The following SLC2A7 variants were observed in gnomAD, a reference collection of about 807,000 sequenced individuals.
SLC2A7 encodes solute carrier family 2, facilitated glucose transporter member 7.
Under a neutral mutation model 50.5 loss-of-function variants are expected in SLC2A7, and 50 were observed. The ratio of observed to expected loss-of-function variants is 0.99; its 90% CI spans 0.79 to 1.25. The LOEUF (loss-of-function observed/expected upper bound fraction) is 1.25. Among genes scored for constraint, SLC2A7 ranks in the 50% most tolerant of loss-of-function variants. The pLI is 0.00. For missense variants in SLC2A7, 683 were observed against 679.1 expected (o/e 1.01, Z -0.06); for synonymous variants, 308 against 300.4 (o/e 1.03, Z -0.26).
At chr1:9,002,291 T>C (rs996019750), downstream of SLC2A7, among the ~76,000 whole-genome samples, 2 of 151,888 alleles carry the variant, frequency 1.3e-5, no homozygotes, top group Admixed American at 1.3e-4. Context: ...CTCTTTGCAA[T>C]TGAGGTAAGA....
At position 9,007,340 on chromosome 1, in the gene SLC2A7, C is replaced by T. The variant is rs376126148; in HGVS notation, c.1162G>A (p.Ala388Thr). 8.5e-5 allele frequency: 137 copies of T among 1,614,088 alleles called. No homozygotes were observed. The highest frequency in any genetic ancestry group is 1.1e-4 in the Non-Finnish European group (134 of 1,180,040). ...LSYLGIICVF[A>T]YIAGHSIGPS... ...CCAATGGAATGTCCCGCGATGTAGG[C>T]AAAGACACAGATGATGCCGAGGTAG... The change falls in exon 10 of 12, where the codon GCC (alanine) becomes ACC (threonine). Residue 388 changes from alanine to threonine, a missense_variant. Coordinates refer to ENST00000400906, the MANE Select transcript of SLC2A7 (RefSeq NM_207420.3).
At chr1:9,016,960 T>C (rs1234602556) in intron 5 of SLC2A7, among the ~76,000 whole-genome samples, 2 of 151,604 alleles carry the variant, frequency 1.3e-5, no homozygotes, top group Non-Finnish European at 2.9e-5. Context: ...TCAGTCCCAC[T>C]CCCCCCGAGG....
intron 8 of SLC2A7, among the ~76,000 whole-genome samples, chr1:9,012,077 T>C (rs1640758388): frequency 6.6e-6 from 1 of 152,082 alleles, no homozygotes; most frequent in Non-Finnish European, 1.5e-5. Flanking sequence ...ACCATTTCCA[T>C]TCTACTCCAT....
At chr1:9,021,590 G>A (rs1386228282) in intron 3 of SLC2A7, among the ~76,000 whole-genome samples, 2 of 152,292 alleles carry the variant, frequency 1.3e-5, no homozygotes, top group South Asian at 2.1e-4. Context: ...TGGCCAGGGA[G>A]TCCACAGACA....
chr1:8,995,002 C>G, the SLC2A7 span, among the ~76,000 whole-genome samples: 1 of 151,524 alleles, frequency 6.6e-6, no homozygotes, highest in Non-Finnish European at 1.5e-5. Flanking sequence ...AACTCCTGAC[C>G]TCAGGTGATT....
Position 9,024,941 on chromosome 1 carries a change from C to T in SLC2A7, c.150+35G>A, listed in dbSNP as rs376422668. On this transcript the variant is annotated intron_variant, in intron 2 of 11. Transcript: ENST00000400906. ...TTCCACCCACGACCCCGGTCAGCTG[C>T]TGCCCGGCCCACCTTGTGCCCACCT... 5.0e-6 allele frequency: 8 copies of T among 1,585,190 alleles called. No homozygotes were observed. The African/African-American group carries it at 1.1e-4, about 23-fold the overall frequency.
chr1:9,018,199 G>C, intron 5 of SLC2A7, 24 bp downstream of exon 5: 1 of 1,613,896 alleles, frequency 6.2e-7, no homozygotes, highest in Non-Finnish European at 8.5e-7. Context: ...TGGACCTAGC[G>C]TGACCTCTGC....
At chr1:9,024,874 CA>C (rs1298190931) in intron 2 of SLC2A7, 101 bp downstream of exon 2, 4 of 1,343,922 alleles carry the variant, frequency 3.0e-6, no homozygotes, top group East Asian at 4.7e-5. Flanking sequence ...GTGCCTCCTA[CA>C]GGCAAGATGG....
Position 9,026,399 on chromosome 1 carries a change from T to A in SLC2A7, c.-54A>T. On this transcript the variant is annotated 5_prime_UTR_variant, in exon 1 of 12. Coordinates refer to ENST00000400906, the MANE Select transcript of SLC2A7 (RefSeq NM_207420.3). ...TCTACCTCCCAAGTGACACCTGCTC[T>A]GCGCCAGCCACCTAAAGACCGGCTG... 6.6e-7 allele frequency: 1 copy of A among 1,525,386 alleles called. No individual in the cohort carries two copies. Among genetic ancestry groups the A allele is most frequent in the Non-Finnish European group, 8.9e-7 (1 of 1,126,552 alleles). The allele number at this position is 1,525,386 out of a possible 1,614,324, so 94.5% of individuals were successfully genotyped here. A position where few individuals can be genotyped will look rare whatever the true frequency, so the allele number is the denominator to read the frequency against.
the SLC2A7 span, among the ~76,000 whole-genome samples, chr1:8,994,025 T>C: frequency 6.6e-6 from 1 of 152,270 alleles, no homozygotes; most frequent in Non-Finnish European, 1.5e-5. Flanking sequence ...CCTGCATTAA[T>C]AGATACTGAA....
At position 9,011,560 on chromosome 1, in the gene SLC2A7, C is replaced by T. The variant is rs12033393; in HGVS notation, c.1015-1316G>A. Among the ~76,000 whole-genome samples, 15 of 152,012 alleles carry T rather than the reference C, an allele frequency of 9.9e-5. No individual in the cohort carries two copies. The East Asian group carries it at 2.1e-3, about 22-fold the overall frequency. ...CCCTCCTATTCTCTGGGGCTCCACTCGACATTGAGGCCATCTGGAATCTGG... is the reference window on the plus strand; with the variant it reads ...CCCTCCTATTCTCTGGGGCTCCACTTGACATTGAGGCCATCTGGAATCTGG... On this transcript the variant is annotated intron_variant, in intron 8 of 11. Coordinates refer to ENST00000400906, the MANE Select transcript of SLC2A7 (RefSeq NM_207420.3).
chr1:9,003,648 A>T (rs1046218770), intron 11 of SLC2A7, 130 bp from the exon 12 acceptor site: 6 of 723,090 alleles, frequency 8.3e-6, no homozygotes, highest in Admixed American at 5.3e-5. Context: ...ACCTGAGGTC[A>T]GGAGTTTGAG....
chr1:9,004,915 G>A (rs1000685299), intron 10 of SLC2A7, 36 bp from the exon 11 acceptor site: 4 of 1,601,800 alleles, frequency 2.5e-6, no homozygotes, highest in Non-Finnish European at 3.4e-6. Context: ...GGCGGAGAAG[G>A]ACCCAGGTGT....
chr1:9,003,390 C>T lies in SLC2A7; in HGVS notation c.1449G>A (p.Lys483=). Residue 483 remains lysine, a synonymous_variant, in exon 12 of 12, where the codon AAG becomes AAA. Transcript: ENST00000400906. The stretch of plus-strand genomic sequence containing the variant: ...CCTCTGGAAGCTTCACCCTGTTTCT[C>T]TTGGCAAAAATGCGGTTTATCTCCA... ...TFVEINRIFA[K]RNRVKLPEEK... The T allele has an allele frequency of 6.2e-7, 1 of 1,614,200 alleles. No homozygotes were observed. The highest frequency in any genetic ancestry group is 8.5e-7 in the Non-Finnish European group (1 of 1,180,038).
chr1:9,023,216 T>C, intron 2 of SLC2A7, 138 bp from the exon 3 acceptor site: 1 of 752,850 alleles, frequency 1.3e-6, no homozygotes, highest in Non-Finnish European at 2.0e-6. Flanking sequence ...AACCCACTGA[T>C]TCCCTACTAT....
At chr1:9,001,574 G>A (rs998104754), downstream of SLC2A7, among the ~76,000 whole-genome samples, 3 of 151,810 alleles carry the variant, frequency 2.0e-5, no homozygotes, top group African/African-American at 7.3e-5. Flanking sequence ...GCACATGACC[G>A]CACTGGCCAA....
chr1:9,016,017 C>T (rs1640825475), intron 5 of SLC2A7, among the ~76,000 whole-genome samples: 1 of 152,084 alleles, frequency 6.6e-6, no homozygotes. Context: ...GCCACTGCAC[C>T]CAGCTGACAA....
At chr1:9,013,746 G>T in intron 7 of SLC2A7, 111 bp from the exon 8 acceptor site, 1 of 837,386 alleles carries the variant, frequency 1.2e-6, no homozygotes, top group Non-Finnish European at 1.8e-6. Flanking sequence ...GGGACCCTGG[G>T]ACAGGAAGAG....
In SLC2A7 at chr1:9,004,870, G is replaced by A. The variant is rs772936625; in HGVS notation, c.1202C>T (p.Pro401Leu). 3.7e-6 allele frequency: 6 copies of A among 1,613,774 alleles called. No individual in the cohort carries two copies. The South Asian group carries it at 5.5e-5, about 15-fold the overall frequency. The change falls in exon 11 of 12, where the codon CCC becomes CTC. Residue 401 changes from proline (P) to leucine (L), a missense_variant. Coordinates refer to ENST00000400906, the MANE Select transcript of SLC2A7 (RefSeq NM_207420.3). ...AGHSIGPSPV[P>L]SVVRTEIFLQ... ...GAAGATCTCGGTCCTCACCACCGAG[G>A]GGACAGGACCTGGAGGGCAGAGCAG...
Sources: gnomAD v4.1 joint callset for allele counts (sites outside exome capture counted in the v4.1 genomes callset) on GRCh38, gnomAD v4.1.1 for gene constraint, MANE v1.5 for transcripts, NCBI Gene and HGNC (gene_info 2026-07-23, HGNC 2026-07-21) for gene names.